Variants in RNF150 observed in about 807,000 individuals in gnomAD.
RNF150 encodes the protein ring finger protein 150.
Under a neutral mutation model 39.3 loss-of-function variants are expected in RNF150, and 24 were observed. The observed-to-expected ratio is 0.61, with a 90% confidence interval of 0.44 to 0.86. The LOEUF is 0.86. Ranked by LOEUF, RNF150 falls within the 40% of genes least tolerant of loss-of-function variation. RNF150 has a pLI of 0.00. For missense variants in RNF150, 502 were observed against 587.8 expected (o/e 0.85, Z 1.51); for synonymous variants, 255 against 227.3 (o/e 1.12, Z -1.10).
At position 141,183,640 on chromosome 4, in the gene RNF150, G is replaced by T. The variant is rs372599635; in HGVS notation, c.-6+29154C>A. ...CCATGGTACTGTTTAAGCCCCACAT[G>T]CATTAGGTATTTCTCCTAATGCTAT... On this transcript the variant is annotated intron_variant, in intron 1 of 7. Coordinates refer to the RNF150 transcript ENST00000420921. 3.3e-5 allele frequency among the ~76,000 whole-genome samples: 5 copies of T among 151,878 alleles called. No homozygotes were observed. The East Asian group carries it at 7.7e-4, about 24-fold the overall frequency.
intron 4 of RNF150, among the ~76,000 whole-genome samples, chr4:140,926,819 CAG>C (rs1022381023): frequency 6.6e-6 from 1 of 152,174 alleles, no homozygotes; most frequent in African/African-American, 2.4e-5. Flanking sequence ...CTCCTTGAGT[CAG>C]AAGCTTTTCT....
chr4:141,003,975 G>A (rs1417096278), intron 1 of RNF150, among the ~76,000 whole-genome samples: 1 of 152,128 alleles, frequency 6.6e-6, no homozygotes, highest in East Asian at 1.9e-4. Flanking sequence ...GTGACTGGAA[G>A]GATTGGGGTT....
intron 5 of RNF150, among the ~76,000 whole-genome samples, chr4:140,918,176 A>G (rs1730927133): frequency 6.6e-6 from 1 of 152,236 alleles, no homozygotes; most frequent in Non-Finnish European, 1.5e-5. Context: ...GCAGAAAGCA[A>G]GAAATAACTA....
intron 2 of RNF150, among the ~76,000 whole-genome samples, chr4:140,956,910 T>C (rs1429103421): frequency 2.0e-5 from 3 of 151,636 alleles, no homozygotes; most frequent in African/African-American, 7.3e-5. Flanking sequence ...CAATTCAAGA[T>C]GGATTAAAGA....
chr4:140,954,258 G>T (rs973066057), intron 2 of RNF150, among the ~76,000 whole-genome samples: 5 of 152,046 alleles, frequency 3.3e-5, no homozygotes, highest in Admixed American at 6.5e-5. Flanking sequence ...CTGTCACCCA[G>T]GCTGGAGTGC....
At chr4:141,099,533 C>A (rs922062376) in intron 1 of RNF150, among the ~76,000 whole-genome samples, 8 of 152,076 alleles carry the variant, frequency 5.3e-5, no homozygotes, top group African/African-American at 1.9e-4. Context: ...TATTGCATGG[C>A]CACCATGGAA....
intron 1 of RNF150, among the ~76,000 whole-genome samples, chr4:141,007,766 A>C (rs1439362516): frequency 6.6e-6 from 1 of 151,932 alleles, no homozygotes; most frequent in Non-Finnish European, 1.5e-5. Flanking sequence ...CCCATTTTAC[A>C]CTCTCCTAGG....
At position 141,016,193 on chromosome 4, in the gene RNF150, C is replaced by T. The variant is rs112151817; in HGVS notation, c.485-48320G>A. On this transcript the variant is annotated intron_variant, in intron 1 of 6. Transcript: ENST00000515673. Reference sequence around the variant, plus strand: ...TTACTCAGCCCTTAACGTTGTGTTTCCTGCTCTCACCATTGAAAACAACAG... The same window carrying T: ...TTACTCAGCCCTTAACGTTGTGTTTTCTGCTCTCACCATTGAAAACAACAG... 4.6e-3 allele frequency among the ~76,000 whole-genome samples: 702 copies of T among 152,270 alleles called. 5 individuals carry two copies. Among genetic ancestry groups the T allele is most frequent in the African/African-American group, 0.016 (676 of 41,558 alleles).
At chr4:141,175,284 C>A (rs754057106) in intron 1 of RNF150, among the ~76,000 whole-genome samples, 1 of 152,180 alleles carries the variant, frequency 6.6e-6, no homozygotes, top group Non-Finnish European at 1.5e-5. Context: ...TATTACCAGG[C>A]ACTGTTCTTG....
intron 1 of RNF150, among the ~76,000 whole-genome samples, chr4:141,041,062 T>C (rs1254683718): frequency 6.6e-6 from 1 of 152,118 alleles, no homozygotes; most frequent in African/African-American, 2.4e-5. Context: ...GTTTAGTAAA[T>C]GTTGACTATT....
rs11946923 is a variant in RNF150 at position 141,050,123 on chromosome 4, G to A, written c.484+82202C>T. 8.0e-3 allele frequency among the ~76,000 whole-genome samples: 1,218 copies of A among 152,062 alleles called. 16 individuals carry two copies. Among genetic ancestry groups the A allele is most frequent in the African/African-American group, 0.028 (1,152 of 41,492 alleles). On this transcript the variant is annotated intron_variant, in intron 1 of 6. Coordinates refer to ENST00000515673, the MANE Select transcript of RNF150 (RefSeq NM_020724.2). The stretch of plus-strand genomic sequence containing the variant: ...CATATATACATGTAAGTATATATAA[G>A]TATATGTACATATATTACAATTATA...
intron 1 of RNF150, among the ~76,000 whole-genome samples, chr4:141,027,140 A>C (rs753655401): frequency 3.9e-5 from 6 of 152,174 alleles, no homozygotes; most frequent in Non-Finnish European, 8.8e-5. Context: ...TGGGTCTGCA[A>C]CTGCAAGGAG....
chr4:140,961,714 T>G (rs1733030693), intron 2 of RNF150, among the ~76,000 whole-genome samples: 1 of 152,124 alleles, frequency 6.6e-6, no homozygotes, highest in Non-Finnish European at 1.5e-5. Context: ...GAGTGTTAAC[T>G]TTTAACATGA....
intron 1 of RNF150, among the ~76,000 whole-genome samples, chr4:141,184,329 C>A (rs532365726): frequency 6.6e-6 from 1 of 152,142 alleles, no homozygotes. Flanking sequence ...TGTTCATATC[C>A]TTTGCCCACT....
At chr4:141,014,936 G>A (rs937271416) in intron 1 of RNF150, among the ~76,000 whole-genome samples, 2 of 151,662 alleles carry the variant, frequency 1.3e-5, no homozygotes, top group African/African-American at 4.8e-5. Context: ...TTTTTTTCTA[G>A]TATTTTACAG....
chr4:140,946,660 T>C (rs928926085), intron 4 of RNF150, among the ~76,000 whole-genome samples: 1 of 152,078 alleles, frequency 6.6e-6, no homozygotes, highest in Non-Finnish European at 1.5e-5. Context: ...AGCACCACCA[T>C]GTTCAGCTAA....
intron 1 of RNF150, among the ~76,000 whole-genome samples, chr4:141,063,703 T>C (rs1737334696): frequency 6.6e-6 from 1 of 152,162 alleles, no homozygotes; most frequent in South Asian, 2.1e-4. Flanking sequence ...CAACTAATTA[T>C]TTAGAACATA....
At position 140,980,401 on chromosome 4, in the gene RNF150, A is replaced by G. The variant is rs958614434; in HGVS notation, c.485-12528T>C. Among the ~76,000 whole-genome samples the G allele has an allele frequency of 3.3e-5, 5 of 152,234 alleles. No homozygotes were observed. The East Asian group carries it at 9.7e-4, about 29-fold the overall frequency. On this transcript the variant is annotated intron_variant, in intron 1 of 6. Transcript: ENST00000515673. ...AACCTAGAATTACAATTAAAAAACAATCACAGTATCATGGATCTAATGAAC... is the reference window on the plus strand; with the variant it reads ...AACCTAGAATTACAATTAAAAAACAGTCACAGTATCATGGATCTAATGAAC...
At chr4:140,882,617 A>G (rs1729418836) in intron 6 of RNF150, among the ~76,000 whole-genome samples, 1 of 152,152 alleles carries the variant, frequency 6.6e-6, no homozygotes, top group South Asian at 2.1e-4. Flanking sequence ...TTAGGTAAAT[A>G]TATATTAATA....
Sources: allele counts gnomAD v4.1 joint callset (sites outside exome capture counted in the v4.1 genomes callset), GRCh38; gene constraint gnomAD v4.1.1; transcripts MANE v1.5; gene names NCBI Gene and HGNC (gene_info 2026-07-23, HGNC 2026-07-21).